MSH3: variants seen among roughly 807,000 people sequenced by gnomAD.
The protein encoded by MSH3 is DNA mismatch repair protein Msh3.
A neutral mutation model predicts 123.3 loss-of-function variants in MSH3; 106 were observed. That is an observed-to-expected ratio of 0.86 (90% confidence interval 0.73 to 1.01). The LOEUF is 1.01. Ranked by LOEUF, MSH3 falls within the 50% of genes least tolerant of loss-of-function variation. MSH3 has a pLI of 0.00. For missense variants in MSH3, 1,459 were observed against 1,347.6 expected (o/e 1.08, Z -1.29); for synonymous variants, 515 against 481.4 (o/e 1.07, Z -0.91).
chr5:80,760,259 T>A (rs1372850458), intron 12 of MSH3, among the ~76,000 whole-genome samples: 1 of 152,224 alleles, frequency 6.6e-6, no homozygotes, highest in African/African-American at 2.4e-5. Context: ...GAGGACTTAC[T>A]ACTCACCAGA....
intron 13 of MSH3, among the ~76,000 whole-genome samples, chr5:80,764,300 A>C (rs1203735053): frequency 6.6e-6 from 1 of 152,188 alleles, no homozygotes; most frequent in East Asian, 1.9e-4. Context: ...TGGAATATGT[A>C]CCAATAGGTG....
At chr5:80,799,255 C>T (rs1580056980) in intron 19 of MSH3, among the ~76,000 whole-genome samples, 1 of 152,118 alleles carries the variant, frequency 6.6e-6, no homozygotes, top group East Asian at 1.9e-4. Flanking sequence ...GCTTCATTTT[C>T]CCTCTTTCTG....
chr5:80,793,730 G>A (rs1744648167), intron 19 of MSH3, among the ~76,000 whole-genome samples: 1 of 152,188 alleles, frequency 6.6e-6, no homozygotes, highest in South Asian at 2.1e-4. Flanking sequence ...CAGAGATAAG[G>A]AAGAGGCCAG....
At chr5:80,859,746 T>C (rs1446986879) in intron 21 of MSH3, among the ~76,000 whole-genome samples, 1 of 151,540 alleles carries the variant, frequency 6.6e-6, no homozygotes, top group East Asian at 1.9e-4. Context: ...TTTTTTGGTT[T>C]CTTGGGGTGT....
At chr5:80,670,716 A>T (rs1171274451) in intron 4 of MSH3, among the ~76,000 whole-genome samples, 1 of 152,348 alleles carries the variant, frequency 6.6e-6, no homozygotes, top group Non-Finnish European at 1.5e-5. Context: ...ATAGCCAGGA[A>T]CAAAGTTAAG....
At chr5:80,704,144 A>G (rs965955795) in intron 8 of MSH3, among the ~76,000 whole-genome samples, 2 of 152,108 alleles carry the variant, frequency 1.3e-5, no homozygotes, top group Non-Finnish European at 2.9e-5. Flanking sequence ...CACTGGGTCT[A>G]TCAGTGCTAC....
chr5:80,779,475 G>A (rs913535290), intron 17 of MSH3, among the ~76,000 whole-genome samples: 3 of 151,236 alleles, frequency 2.0e-5, no homozygotes, highest in Admixed American at 1.3e-4. Flanking sequence ...TTAAGCCTAC[G>A]TCTTTAAAAA....
intron 22 of MSH3, among the ~76,000 whole-genome samples, chr5:80,871,832 C>T (rs1017770996): frequency 4.6e-5 from 7 of 152,070 alleles, no homozygotes; most frequent in Non-Finnish European, 1.0e-4. Flanking sequence ...GACACAAGCA[C>T]GTGAACACCA....
chr5:80,741,939 G>T (rs1743622176), intron 11 of MSH3, among the ~76,000 whole-genome samples: 1 of 1,434 alleles, frequency 7.0e-4, no homozygotes, highest in Admixed American at 9.3e-3. Context: ...AATTATTCAG[G>T]TTATAGGTTT....
intron 9 of MSH3, among the ~76,000 whole-genome samples, chr5:80,726,978 C>T (rs1273743781): frequency 3.3e-5 from 5 of 152,122 alleles, no homozygotes; most frequent in Non-Finnish European, 7.4e-5. Context: ...TGGCAGTGCC[C>T]GGGAGAGTGT....
At chr5:80,814,205 A>T (rs951723274) in intron 20 of MSH3, among the ~76,000 whole-genome samples, 2 of 151,892 alleles carry the variant, frequency 1.3e-5, no homozygotes, top group Non-Finnish European at 2.9e-5. Flanking sequence ...ACTAGAAAAG[A>T]CTTAAGAGTT....
intron 20 of MSH3, among the ~76,000 whole-genome samples, chr5:80,821,189 C>A (rs1745200119): frequency 6.6e-6 from 1 of 152,182 alleles, no homozygotes. Context: ...CCACAATGAT[C>A]TGTTCACGGT....
rs191856602 is a variant in MSH3 at position 80,823,813 on chromosome 5, C to G, written c.2813+10072C>G. On this transcript the variant is annotated intron_variant, in intron 20 of 23. Transcript: ENST00000265081. Reference sequence around the variant, plus strand: ...AGCAGATAAACAAGTGAACAAAGGTCTCTGGTTTTCCTAGGCAGAGGACCC... The same window carrying G: ...AGCAGATAAACAAGTGAACAAAGGTGTCTGGTTTTCCTAGGCAGAGGACCC... Among the ~76,000 whole-genome samples, 898 of 152,200 alleles carry G rather than the reference C, an allele frequency of 5.9e-3. 7 individuals carry two copies. Among genetic ancestry groups the G allele is most frequent in the South Asian group, 0.049 (236 of 4,826 alleles).
At chr5:80,728,390 C>G (rs1349183050) in intron 9 of MSH3, among the ~76,000 whole-genome samples, 1 of 152,134 alleles carries the variant, frequency 6.6e-6, no homozygotes, top group African/African-American at 2.4e-5. Context: ...GGAAGTCATT[C>G]CATTTAGTTG....
intron 14 of MSH3, 137 bp from the exon 15 acceptor site, chr5:80,768,698 A>G (rs1032628415): frequency 3.5e-5 from 25 of 718,354 alleles, no homozygotes; most frequent in Non-Finnish European, 3.5e-5. Flanking sequence ...AAACAAATCC[A>G]TAAGTGCTTA....
chr5:80,772,870 C>G (rs1040563595), intron 15 of MSH3, among the ~76,000 whole-genome samples: 6 of 152,266 alleles, frequency 3.9e-5, no homozygotes, highest in Admixed American at 2.6e-4. Context: ...AAAAGGGACC[C>G]TCAGGATCAG....
chr5:80,699,720 T>C (rs938866316), intron 8 of MSH3, among the ~76,000 whole-genome samples: 2 of 152,202 alleles, frequency 1.3e-5, no homozygotes, highest in Non-Finnish European at 2.9e-5. Flanking sequence ...CTTATCGTTT[T>C]TTCCCCATTA....
chr5:80,766,623 G>A (rs1030169854), intron 13 of MSH3, among the ~76,000 whole-genome samples: 2 of 152,074 alleles, frequency 1.3e-5, no homozygotes, highest in African/African-American at 4.8e-5. Context: ...GATTACAGGC[G>A]TGAGTCACTG....
chr5:80,759,860 A>T (rs575892731), intron 12 of MSH3, among the ~76,000 whole-genome samples: 1 of 152,306 alleles, frequency 6.6e-6, no homozygotes, highest in South Asian at 2.1e-4. Context: ...CCGTGTGTGT[A>T]CAAAGCTCTG....
Sources: gnomAD v4.1 joint callset for allele counts (sites outside exome capture counted in the v4.1 genomes callset) on GRCh38, gnomAD v4.1.1 for gene constraint, MANE v1.5 for transcripts, NCBI Gene and HGNC (gene_info 2026-07-23, HGNC 2026-07-21) for gene names.